GPC5: variants seen among roughly 807,000 people sequenced by gnomAD.
GPC5 encodes the protein glypican 5.
A neutral mutation model predicts 53.9 loss-of-function variants in GPC5; 47 were observed. The ratio of observed to expected loss-of-function variants is 0.87; its 90% CI spans 0.69 to 1.11. The LOEUF (loss-of-function observed/expected upper bound fraction) is 1.11. Ranked by LOEUF, GPC5 falls within the 50% of genes most tolerant of loss-of-function variation. GPC5 has a pLI of 0.00. For missense variants in GPC5, 748 were observed against 713.1 expected (o/e 1.05, Z -0.56); for synonymous variants, 286 against 263.3 (o/e 1.09, Z -0.84).
intron 6 of GPC5, among the ~76,000 whole-genome samples, chr13:92,080,038 T>C (rs1280848182): frequency 6.6e-6 from 1 of 152,230 alleles, no homozygotes; most frequent in African/African-American, 2.4e-5. Flanking sequence ...GTTTAATTCA[T>C]GGGTATTTTC....
intron 7 of GPC5, among the ~76,000 whole-genome samples, chr13:92,639,213 C>G (rs1885510329): frequency 6.6e-6 from 1 of 152,068 alleles, no homozygotes; most frequent in African/African-American, 2.4e-5. Context: ...TTGTAACATA[C>G]CCACTAAATT....
At position 92,390,160 on chromosome 13, in the gene GPC5, A is replaced by T. The variant is rs1351197690; in HGVS notation, c.1561+245171A>T. Among the ~76,000 whole-genome samples, 6 of 152,274 alleles carry T rather than the reference A, an allele frequency of 3.9e-5. No homozygotes were observed. The East Asian group carries it at 9.6e-4, about 24-fold the overall frequency. On this transcript the variant is annotated intron_variant, in intron 7 of 7. Coordinates refer to ENST00000377067, the MANE Select transcript of GPC5 (RefSeq NM_004466.6). ...AGTCTAATGTAATAGTTTGTCCTGA[A>T]GGCAGATAAAATTGGTATTAAACTG... is the stretch of plus-strand genomic sequence containing the variant.
At chr13:91,678,103 C>G (rs1353373167) in intron 2 of GPC5, among the ~76,000 whole-genome samples, 2 of 152,168 alleles carry the variant, frequency 1.3e-5, no homozygotes, top group Admixed American at 1.3e-4. Context: ...GGAAGTTTCT[C>G]TCATGTCAAA....
chr13:92,346,234 G>C (rs1228221016), intron 7 of GPC5, among the ~76,000 whole-genome samples: 1 of 152,116 alleles, frequency 6.6e-6, no homozygotes, highest in Non-Finnish European at 1.5e-5. Flanking sequence ...GATCCTGCCT[G>C]TCCCAAGCAG....
At chr13:92,009,253 CGTGTGTGTGTGTGTGT>C (rs3059952) in intron 6 of GPC5, among the ~76,000 whole-genome samples, 1 of 139,742 alleles carries the variant, frequency 7.2e-6, no homozygotes, top group Non-Finnish European at 1.5e-5. Flanking sequence ...GCTGGATTTT[CGTGTGTGTGTGTGTGT>C]GTGTGTGTGT....
At chr13:92,046,738 A>G (rs1161854463) in intron 6 of GPC5, among the ~76,000 whole-genome samples, 3 of 152,210 alleles carry the variant, frequency 2.0e-5, no homozygotes, top group East Asian at 1.9e-4. Context: ...TAAATAAACC[A>G]TAGAGTTAAT....
intron 3 of GPC5, among the ~76,000 whole-genome samples, chr13:91,713,607 T>C (rs996216985): frequency 2.0e-5 from 3 of 152,162 alleles, no homozygotes; most frequent in Non-Finnish European, 4.4e-5. Context: ...CCACCTTGTT[T>C]ATATGTATCC....
At chr13:92,571,903 G>A (rs1486521631) in intron 7 of GPC5, among the ~76,000 whole-genome samples, 1 of 152,010 alleles carries the variant, frequency 6.6e-6, no homozygotes, top group African/African-American at 2.4e-5. Context: ...AATGAGTTTG[G>A]TGGTGCCTGT....
At chr13:91,755,636 G>A (rs186055721) in intron 4 of GPC5, among the ~76,000 whole-genome samples, 12 of 152,160 alleles carry the variant, frequency 7.9e-5, no homozygotes, top group Non-Finnish European at 1.0e-4. Flanking sequence ...ATATGGGGAA[G>A]GAAAGTATTG....
chr13:92,475,557 C>T (rs1394540081), intron 7 of GPC5, among the ~76,000 whole-genome samples: 1 of 151,572 alleles, frequency 6.6e-6, no homozygotes, highest in Non-Finnish European at 1.5e-5. Flanking sequence ...GATTTTGTAT[C>T]CTGAGACTTT....
intron 6 of GPC5, among the ~76,000 whole-genome samples, chr13:92,095,682 G>A (rs1186982812): frequency 1.3e-5 from 2 of 152,054 alleles, no homozygotes; most frequent in African/African-American, 4.8e-5. Flanking sequence ...TTATAGGCGT[G>A]CGCCACCATG....
At position 91,683,484 on chromosome 13, in the gene GPC5, C is replaced by A. The variant is rs913348418; in HGVS notation, c.326-9703C>A. Reference sequence around the variant, plus strand: ...GTTGGGGATGCTGTGCTCCTGGATCCACATTTTTGCTCCTATGCTCCCCTG... The same window carrying A: ...GTTGGGGATGCTGTGCTCCTGGATCAACATTTTTGCTCCTATGCTCCCCTG... On this transcript the variant is annotated intron_variant, in intron 2 of 7. Coordinates refer to ENST00000377067, the MANE Select transcript of GPC5 (RefSeq NM_004466.6). Among the ~76,000 whole-genome samples, 6 of 152,266 alleles carry A rather than the reference C, an allele frequency of 3.9e-5. No homozygotes were observed. In the East Asian group the frequency reaches 7.8e-4, roughly 20 times the overall value.
intron 7 of GPC5, among the ~76,000 whole-genome samples, chr13:92,328,904 C>T (rs750868368): frequency 6.6e-6 from 1 of 152,106 alleles, no homozygotes; most frequent in Admixed American, 6.6e-5. Flanking sequence ...TGGCATGGTG[C>T]TTTTCCCTCA....
At chr13:92,114,513 C>T (rs747931309) in intron 6 of GPC5, among the ~76,000 whole-genome samples, 12 of 152,106 alleles carry the variant, frequency 7.9e-5, no homozygotes, top group South Asian at 2.1e-4. Context: ...AGATGAATGG[C>T]GGCAAATAAA....
At chr13:92,745,333 G>T (rs1291814224) in intron 7 of GPC5, among the ~76,000 whole-genome samples, 7 of 152,062 alleles carry the variant, frequency 4.6e-5, no homozygotes, top group Non-Finnish European at 8.8e-5. Context: ...CACACTGGGT[G>T]CATTTCTACA....
intron 6 of GPC5, among the ~76,000 whole-genome samples, chr13:92,087,861 G>A (rs184028052): frequency 1.2e-4 from 19 of 152,120 alleles, no homozygotes; most frequent in African/African-American, 4.6e-4. Context: ...ATTCCAATGT[G>A]AGAGAACTCC....
intron 7 of GPC5, among the ~76,000 whole-genome samples, chr13:92,631,248 G>A (rs1225925047): frequency 6.6e-6 from 1 of 152,048 alleles, no homozygotes; most frequent in East Asian, 1.9e-4. Flanking sequence ...CTTTTGATTT[G>A]TGCTAAAAAA....
chr13:91,809,420 T>G (rs1197473745), intron 5 of GPC5, among the ~76,000 whole-genome samples: 2 of 152,130 alleles, frequency 1.3e-5, no homozygotes, highest in Non-Finnish European at 2.9e-5. Context: ...TAAGTGAGGA[T>G]CCTTCACATT....
At chr13:92,458,088 C>T (rs1339002217) in intron 7 of GPC5, among the ~76,000 whole-genome samples, 1 of 152,040 alleles carries the variant, frequency 6.6e-6, no homozygotes, top group East Asian at 1.9e-4. Flanking sequence ...CTCCAACTTC[C>T]CTTGGAGCTT....
Sources: allele counts gnomAD v4.1 joint callset (sites outside exome capture counted in the v4.1 genomes callset), GRCh38; gene constraint gnomAD v4.1.1; transcripts MANE v1.5; gene names NCBI Gene and HGNC (gene_info 2026-07-23, HGNC 2026-07-21).